Variants in PLXDC2 observed in about 807,000 individuals in gnomAD.
The protein encoded by PLXDC2 is plexin domain containing 2.
PLXDC2 carries 40 observed loss-of-function variants against 68.9 expected under a neutral mutation model. The observed-to-expected ratio is 0.58, with a 90% CI of 0.45 to 0.76. The LOEUF (loss-of-function observed/expected upper bound fraction) is 0.76, where lower values mean the gene tolerates loss of function less well. PLXDC2 is among the 30% of genes least tolerant of loss of function. PLXDC2 has a pLI of 0.00. For synonymous variants in PLXDC2, 243 were observed against 234.2 expected (o/e 1.04, Z -0.34); for missense variants, 644 against 661.9 (o/e 0.97, Z 0.30).
At chr10:20,002,824 G>C (rs1394120369) in intron 2 of PLXDC2, among the ~76,000 whole-genome samples, 1 of 152,112 alleles carries the variant, frequency 6.6e-6, no homozygotes, top group African/African-American at 2.4e-5. Context: ...CCTCTGCAGT[G>C]GCTGAGGTGT....
intron 5 of PLXDC2, among the ~76,000 whole-genome samples, chr10:20,144,357 A>T (rs571459684): frequency 6.6e-6 from 1 of 152,130 alleles, no homozygotes; most frequent in Non-Finnish European, 1.5e-5. Flanking sequence ...CCTTGGAGAA[A>T]TATGATCACT....
chr10:20,126,332 C>CGTTATATAATACATATATACATATGT (rs1320274276), intron 4 of PLXDC2, among the ~76,000 whole-genome samples: 1,797 of 79,724 alleles, frequency 0.023, 184 homozygotes, highest in Non-Finnish European at 0.028. Context: ...TATACATATA[C>CGTTATATAATACATATATACATATGT]GTTATATAAT....
intron 1 of PLXDC2, among the ~76,000 whole-genome samples, chr10:19,928,807 T>C (rs1833581747): frequency 6.9e-6 from 1 of 145,578 alleles, no homozygotes; most frequent in Admixed American, 7.2e-5. Context: ...CAGGCTGGAG[T>C]ACAGTGGCCC....
chr10:20,227,380 T>C (rs762316995), intron 12 of PLXDC2, among the ~76,000 whole-genome samples: 2 of 152,162 alleles, frequency 1.3e-5, no homozygotes, highest in Non-Finnish European at 2.9e-5. Flanking sequence ...GAATAGGTGA[T>C]ACTTGATCCA....
At chr10:19,882,949 T>TTCC (rs10635275) in intron 1 of PLXDC2, among the ~76,000 whole-genome samples, 1 of 144,824 alleles carries the variant, frequency 6.9e-6, no homozygotes, top group Non-Finnish European at 1.5e-5. Context: ...TTTTTTTTTT[T>TTCC]TTCCTTTCTT....
chr10:20,162,463 C>T (rs1034569399), intron 6 of PLXDC2, among the ~76,000 whole-genome samples: 4 of 152,000 alleles, frequency 2.6e-5, no homozygotes, highest in Non-Finnish European at 5.9e-5. Flanking sequence ...AGAAGGGGGT[C>T]AAGTGACAAA....
intron 4 of PLXDC2, among the ~76,000 whole-genome samples, chr10:20,139,780 CATTCATA>C (rs1833977012): frequency 7.1e-6 from 1 of 141,738 alleles, no homozygotes; most frequent in Non-Finnish European, 1.5e-5. Context: ...TGCATGTTCT[CATTCATA>C]AGTGGGAGTT....
At position 19,816,867 on chromosome 10, in the gene PLXDC2, G is replaced by T; in HGVS notation, c.-213G>T. The T allele has an allele frequency of 1.7e-6, 1 of 586,054 alleles. No homozygotes were observed. The allele number at this position is 586,054 out of a possible 1,614,324, so 36.3% of individuals were successfully genotyped here. On this transcript the variant is annotated 5_prime_UTR_variant, in exon 1 of 14. Coordinates refer to ENST00000377252, the MANE Select transcript of PLXDC2 (RefSeq NM_032812.9). ...GCGAGTGTGGCAAGTTGCAAAGAGA[G>T]CCTCAGAGGTCCGAAGAGCGCTGCG...
At chr10:20,185,137 C>A (rs2131833317) in intron 9 of PLXDC2, among the ~76,000 whole-genome samples, 1 of 122,536 alleles carries the variant, frequency 8.2e-6, no homozygotes, top group South Asian at 2.7e-4. Context: ...GCACATTCTG[C>A]ACATACATCC....
At chr10:20,171,465 A>G (rs1489251049) in intron 7 of PLXDC2, among the ~76,000 whole-genome samples, 2 of 152,226 alleles carry the variant, frequency 1.3e-5, no homozygotes, top group African/African-American at 2.4e-5. Flanking sequence ...AGAAATAAAT[A>G]GAAATCATGA....
At position 20,011,332 on chromosome 10, in the gene PLXDC2, G is replaced by A. The variant is rs568714634; in HGVS notation, c.324+9346G>A. On this transcript the variant is annotated intron_variant, in intron 2 of 13. Transcript: ENST00000377252. ...CTGCTGGATGCACCCACAGAGGGAC[G>A]GTACTCCTGGGAGGGAATTCTTTGC... is the stretch of plus-strand genomic sequence containing the variant. 4.6e-5 allele frequency among the ~76,000 whole-genome samples: 7 copies of A among 152,224 alleles called. No homozygotes were observed. The East Asian group carries it at 1.4e-3, about 30-fold the overall frequency.
intron 1 of PLXDC2, among the ~76,000 whole-genome samples, chr10:19,996,965 A>T (rs1400753274): frequency 6.6e-6 from 1 of 152,176 alleles, no homozygotes; most frequent in Non-Finnish European, 1.5e-5. Context: ...CCCTCCCACA[A>T]CACATGGGAA....
intron 1 of PLXDC2, among the ~76,000 whole-genome samples, chr10:19,999,741 A>G (rs759652852): frequency 6.6e-6 from 1 of 152,154 alleles, no homozygotes; most frequent in Non-Finnish European, 1.5e-5. Context: ...GCTGGGTTAT[A>G]AGGTGCCTCA....
In PLXDC2 at chr10:20,047,127, T is replaced by G. The variant is rs1226564543; in HGVS notation, c.471+112T>G. 3.6e-6 allele frequency: 4 copies of G among 1,096,508 alleles called. No individual in the cohort carries two copies. In the African/African-American group the frequency reaches 6.4e-5, roughly 17 times the overall value. The allele number at this position is 1,096,508 out of a possible 1,614,324, so 67.9% of individuals were successfully genotyped here. ...TTGATAATTAAATATTAGAATGGCC[T>G]TATCTGTGGTAATCGCTTTTCAAGT... On this transcript the variant is annotated intron_variant, in intron 3 of 13. Coordinates refer to ENST00000377252, the MANE Select transcript of PLXDC2 (RefSeq NM_032812.9).
chr10:20,160,446 T>C (rs1447416044), intron 6 of PLXDC2, among the ~76,000 whole-genome samples: 1 of 152,214 alleles, frequency 6.6e-6, no homozygotes, highest in Non-Finnish European at 1.5e-5. Context: ...CTTATCATTT[T>C]AGTTTGTATC....
chr10:20,083,998 A>T (rs1157901718), intron 4 of PLXDC2, among the ~76,000 whole-genome samples: 4 of 152,230 alleles, frequency 2.6e-5, no homozygotes, highest in African/African-American at 9.6e-5. Context: ...TGTTATTGGC[A>T]ACTATTTAAT....
At chr10:20,114,805 A>T (rs1833601667) in intron 4 of PLXDC2, among the ~76,000 whole-genome samples, 1 of 152,156 alleles carries the variant, frequency 6.6e-6, no homozygotes, top group Non-Finnish European at 1.5e-5. Flanking sequence ...AGGGGTGGTG[A>T]GAGGTAAAGT....
chr10:19,971,830 A>T (rs543183293), intron 1 of PLXDC2, among the ~76,000 whole-genome samples: 1 of 152,252 alleles, frequency 6.6e-6, no homozygotes, highest in African/African-American at 2.4e-5. Flanking sequence ...GGAATGGAAG[A>T]TGTGTTTACA....
intron 4 of PLXDC2, among the ~76,000 whole-genome samples, chr10:20,126,076 A>AT (rs1421225614): frequency 6.8e-6 from 1 of 148,042 alleles, no homozygotes; most frequent in Admixed American, 6.8e-5. Context: ...ATTTAATAGT[A>AT]TATACACAGG....
Sources: gnomAD v4.1 joint callset for allele counts (sites outside exome capture counted in the v4.1 genomes callset) on GRCh38, gnomAD v4.1.1 for gene constraint, MANE v1.5 for transcripts, NCBI Gene and HGNC (gene_info 2026-07-23, HGNC 2026-07-21) for gene names.